The following CCDC30 variants were observed in gnomAD, a reference collection of about 807,000 sequenced individuals.
The protein encoded by CCDC30 is coiled-coil domain containing 30.
A neutral mutation model predicts 100.2 loss-of-function variants in CCDC30; 70 were observed. The ratio of observed to expected loss-of-function variants is 0.70; its 90% CI spans 0.58 to 0.85. CCDC30 has a LOEUF of 0.85. Ranked by LOEUF, CCDC30 falls within the 40% of genes least tolerant of loss-of-function variation. The pLI is 0.00. For synonymous variants in CCDC30, 233 were observed against 269.5 expected (o/e 0.86, Z 1.33); for missense variants, 652 against 771.2 (o/e 0.85, Z 1.83).
intron 9 of CCDC30, among the ~76,000 whole-genome samples, chr1:42,584,030 T>C (rs1460666221): frequency 1.3e-5 from 2 of 152,194 alleles, no homozygotes; most frequent in Non-Finnish European, 2.9e-5. Flanking sequence ...GGTGGAGCAG[T>C]TGTAGGCCTG....
chr1:42,471,950 A>C (rs1643783098), intron 1 of CCDC30, among the ~76,000 whole-genome samples: 1 of 152,216 alleles, frequency 6.6e-6, no homozygotes, highest in Admixed American at 6.5e-5. Context: ...TATGTCTGTC[A>C]CTGCAATTTG....
chr1:42,504,211 CT>C (rs1644363563), intron 6 of CCDC30, among the ~76,000 whole-genome samples: 2 of 152,234 alleles, frequency 1.3e-5, no homozygotes, highest in Non-Finnish European at 2.9e-5. Flanking sequence ...GTTTTCCGCC[CT>C]GGGTGGGCCA....
intron 6 of CCDC30, among the ~76,000 whole-genome samples, chr1:42,552,749 G>A (rs1332151937): frequency 6.6e-6 from 1 of 152,020 alleles, no homozygotes; most frequent in Non-Finnish European, 1.5e-5. Context: ...TTCTCTCCCC[G>A]GGGCCGCCAC....
intron 8 of CCDC30, among the ~76,000 whole-genome samples, chr1:42,578,513 A>G (rs1298577113): frequency 6.6e-6 from 1 of 152,196 alleles, no homozygotes; most frequent in African/African-American, 2.4e-5. Context: ...AGGTTACTTT[A>G]CCATATGGAT....
chr1:42,457,371 A>G, the CCDC30 span: 5 of 1,594,860 alleles, frequency 3.1e-6, no homozygotes, highest in Admixed American at 3.3e-5. Flanking sequence ...CTTCTCTTCC[A>G]GAGATCTAAT....
At chr1:42,636,162 G>T (rs1319382501) in intron 11 of CCDC30, among the ~76,000 whole-genome samples, 1 of 152,094 alleles carries the variant, frequency 6.6e-6, no homozygotes, top group African/African-American at 2.4e-5. Flanking sequence ...GCTTATGCCT[G>T]TAATCCCAGC....
chr1:42,654,094 C>T (rs1648573545), exon 17 of CCDC30: 4 of 1,157,342 alleles, frequency 3.5e-6, no homozygotes, highest in Admixed American at 1.9e-5. Flanking sequence ...AAAGGTGGAC[C>T]ATGACATTGA....
chr1:42,470,021 T>G (rs1643716357), intron 1 of CCDC30, among the ~76,000 whole-genome samples: 2 of 152,172 alleles, frequency 1.3e-5, no homozygotes, highest in South Asian at 2.1e-4. Flanking sequence ...CTCAGCAACC[T>G]AAAATAGGTG....
chr1:42,459,946 A>T, upstream of CCDC30: 2 of 1,568,776 alleles, frequency 1.3e-6, no homozygotes, highest in Non-Finnish European at 1.7e-6. Flanking sequence ...CCCTTATAGG[A>T]TCAAAAATTG....
chr1:42,458,440 C>T (rs1452237961), upstream of CCDC30, among the ~76,000 whole-genome samples: 1 of 151,980 alleles, frequency 6.6e-6, no homozygotes, highest in Non-Finnish European at 1.5e-5. Context: ...GGGCATTTGC[C>T]GACTTTGTAG....
At chr1:42,543,378 G>A (rs1645056341) in intron 6 of CCDC30, among the ~76,000 whole-genome samples, 1 of 150,778 alleles carries the variant, frequency 6.6e-6, no homozygotes. Context: ...CTGGAGTGCT[G>A]TGGCACGATC....
chr1:42,598,233 G>A (rs923305075), intron 10 of CCDC30, among the ~76,000 whole-genome samples: 1 of 147,998 alleles, frequency 6.8e-6, no homozygotes, highest in African/African-American at 2.5e-5. Flanking sequence ...AAAGGTGAGG[G>A]AAGCTGGGCA....
intron 6 of CCDC30, among the ~76,000 whole-genome samples, chr1:42,500,773 A>G (rs1258320093): frequency 6.6e-6 from 1 of 151,872 alleles, no homozygotes; most frequent in Non-Finnish European, 1.5e-5. Context: ...GTTTTTTTAC[A>G]TATTAGAGAT....
chr1:42,512,051 G>T (rs756178387), intron 6 of CCDC30, among the ~76,000 whole-genome samples: 1 of 152,196 alleles, frequency 6.6e-6, no homozygotes, highest in Admixed American at 6.5e-5. Flanking sequence ...TATTCCTTAC[G>T]GGAAACAAAG....
chr1:42,462,729 G>A (rs181448911), upstream of CCDC30, among the ~76,000 whole-genome samples: 2 of 152,136 alleles, frequency 1.3e-5, no homozygotes, highest in East Asian at 3.9e-4. Flanking sequence ...CATAGGTGGG[G>A]AAGATAACGT....
chr1:42,520,957 T>C (rs1644633182), intron 6 of CCDC30, among the ~76,000 whole-genome samples: 1 of 146,556 alleles, frequency 6.8e-6, no homozygotes, highest in Non-Finnish European at 1.5e-5. Flanking sequence ...CCCAGCCTCA[T>C]CTTTAAGTAT....
At chr1:42,551,835 A>G (rs1299193901) in intron 6 of CCDC30, among the ~76,000 whole-genome samples, 3 of 151,656 alleles carry the variant, frequency 2.0e-5, no homozygotes, top group East Asian at 3.9e-4. Context: ...GCTCACTACA[A>G]CATCGACCTT....
intron 6 of CCDC30, among the ~76,000 whole-genome samples, chr1:42,560,504 G>A (rs1255973276): frequency 6.6e-6 from 1 of 151,932 alleles, no homozygotes; most frequent in Non-Finnish European, 1.5e-5. Flanking sequence ...CAAGTAGCTG[G>A]GATTACAGGC....
intron 11 of CCDC30, among the ~76,000 whole-genome samples, chr1:42,634,270 AAAAAC>A (rs1239671742): frequency 4.3e-4 from 61 of 140,594 alleles, no homozygotes; most frequent in South Asian, 2.6e-3. Context: ...AAAAAAAAAA[AAAAAC>A]AAAACATTAC....
Sources: allele counts gnomAD v4.1 joint callset (sites outside exome capture counted in the v4.1 genomes callset), GRCh38; gene constraint gnomAD v4.1.1; transcripts MANE v1.5; gene names NCBI Gene and HGNC (gene_info 2026-07-23, HGNC 2026-07-21).